CSGALNACT1: variants seen among roughly 807,000 people sequenced by gnomAD.
CSGALNACT1 encodes chondroitin sulfate N-acetylgalactosaminyltransferase 1.
In CSGALNACT1, 52 loss-of-function variants were observed where a neutral mutation model predicts 51.0. The ratio of observed to expected loss-of-function variants is 1.02; its 90% CI spans 0.82 to 1.29. CSGALNACT1 has a LOEUF of 1.29. CSGALNACT1 is among the 50% of genes most tolerant of loss of function. The pLI is 0.00. For synonymous variants in CSGALNACT1, 341 were observed against 254.4 expected (o/e 1.34, Z -3.24); for missense variants, 935 against 679.2 (o/e 1.38, Z -4.19).
intron 3 of CSGALNACT1, among the ~76,000 whole-genome samples, chr8:19,571,835 G>T (rs917981453): frequency 4.6e-5 from 7 of 152,194 alleles, no homozygotes; most frequent in African/African-American, 1.7e-4. Context: ...GGGCTGCCTG[G>T]AAAGCTAATG....
chr8:19,469,503 G>A (rs1296397527), intron 4 of CSGALNACT1, among the ~76,000 whole-genome samples: 1 of 152,222 alleles, frequency 6.6e-6, no homozygotes, highest in East Asian at 1.9e-4. Flanking sequence ...GACAGCCTGG[G>A]ATAGATTTGA....
intron 3 of CSGALNACT1, among the ~76,000 whole-genome samples, chr8:19,564,059 T>C (rs1043473155): frequency 6.6e-6 from 1 of 152,184 alleles, no homozygotes; most frequent in Non-Finnish European, 1.5e-5. Flanking sequence ...CCTGACTTGA[T>C]CCTTCCACTG....
At chr8:19,490,783 T>A (rs559040584) in intron 4 of CSGALNACT1, among the ~76,000 whole-genome samples, 1 of 152,154 alleles carries the variant, frequency 6.6e-6, no homozygotes, top group Non-Finnish European at 1.5e-5. Flanking sequence ...GCTCCAGCCT[T>A]GGTATTTAGG....
chr8:19,662,026 C>A (rs2058779103), intron 1 of CSGALNACT1, among the ~76,000 whole-genome samples: 1 of 149,718 alleles, frequency 6.7e-6, no homozygotes. Context: ...ACCATCCCTA[C>A]CAGCAGCAAC....
intron 1 of CSGALNACT1, among the ~76,000 whole-genome samples, chr8:19,611,972 C>T (rs2052330084): frequency 6.6e-6 from 1 of 151,992 alleles, no homozygotes; most frequent in Non-Finnish European, 1.5e-5. Flanking sequence ...TTGATTAATT[C>T]TAAGACTCCA....
chr8:19,562,144 C>A (rs760594307), intron 3 of CSGALNACT1, among the ~76,000 whole-genome samples: 2 of 152,182 alleles, frequency 1.3e-5, no homozygotes, highest in Non-Finnish European at 2.9e-5. Flanking sequence ...ACAGACCCCC[C>A]ACAGCCAAAC....
intron 3 of CSGALNACT1, among the ~76,000 whole-genome samples, chr8:19,589,853 A>C (rs2047422011): frequency 6.6e-6 from 1 of 152,236 alleles, no homozygotes; most frequent in Admixed American, 6.5e-5. Context: ...TCATTAATCC[A>C]CAGAAAATAG....
In CSGALNACT1 at chr8:19,714,647, G is replaced by C. The variant is rs142288442; in HGVS notation, c.-297+43203C>G. Among the ~76,000 whole-genome samples, 490 of 151,888 alleles carry C rather than the reference G, an allele frequency of 3.2e-3. 14 individuals are homozygous for C. The highest frequency in any genetic ancestry group is 0.031 in the Admixed American group (472 of 15,252). On this transcript the variant is annotated intron_variant, in intron 1 of 1. Transcript: ENST00000517494. ...TGTGCATTGCCTACCTTTTCTATTA[G>C]AGCCTTTAGCTTATTAATCATAGTT... is the stretch of plus-strand genomic sequence containing the variant.
At chr8:19,724,151 G>T (rs2063273098) in intron 1 of CSGALNACT1, among the ~76,000 whole-genome samples, 1 of 152,142 alleles carries the variant, frequency 6.6e-6, no homozygotes, top group South Asian at 2.1e-4. Context: ...CAGCACATTT[G>T]TATCAGTTTC....
chr8:19,540,463 T>C (rs2084840830), intron 3 of CSGALNACT1, among the ~76,000 whole-genome samples: 1 of 152,238 alleles, frequency 6.6e-6, no homozygotes, highest in Non-Finnish European at 1.5e-5. Flanking sequence ...TCACAGTTTC[T>C]GACACACAGT....
intron 1 of CSGALNACT1, among the ~76,000 whole-genome samples, chr8:19,643,340 A>C (rs149034921): frequency 8.1e-4 from 124 of 152,320 alleles, no homozygotes; most frequent in Middle Eastern, 3.4e-3. Flanking sequence ...AATAGATTAA[A>C]AAGTAGGGAG....
At chr8:19,498,335 G>A (rs1005047923) in intron 4 of CSGALNACT1, among the ~76,000 whole-genome samples, 8 of 152,140 alleles carry the variant, frequency 5.3e-5, no homozygotes, top group African/African-American at 9.7e-5. Context: ...ATCCACAACC[G>A]TAACTGATGA....
At chr8:19,731,703 A>G (rs1239357515) in intron 1 of CSGALNACT1, among the ~76,000 whole-genome samples, 2 of 152,188 alleles carry the variant, frequency 1.3e-5, no homozygotes, top group African/African-American at 4.8e-5. Flanking sequence ...TAATGCCACC[A>G]AACTGTACAC....
At chr8:19,538,967 C>T (rs1343128425) in intron 3 of CSGALNACT1, among the ~76,000 whole-genome samples, 2 of 152,160 alleles carry the variant, frequency 1.3e-5, no homozygotes, top group Non-Finnish European at 2.9e-5. Context: ...TAGGTGTCAG[C>T]TGAGATGGTT....
intron 1 of CSGALNACT1, among the ~76,000 whole-genome samples, chr8:19,666,988 AAAG>A (rs2059352131): frequency 7.5e-4 from 13 of 17,286 alleles, no homozygotes; most frequent in African/African-American, 4.6e-3. Flanking sequence ...AGAAAGAAAG[AAAG>A]AAAGAAAGAA....
At chr8:19,444,866 T>C (rs1586163393) in intron 5 of CSGALNACT1, among the ~76,000 whole-genome samples, 1 of 151,820 alleles carries the variant, frequency 6.6e-6, no homozygotes, top group South Asian at 2.1e-4. Context: ...ATGGCTGGGG[T>C]CAGTGAAGGA....
At chr8:19,590,457 G>C (rs1241831791) in intron 3 of CSGALNACT1, among the ~76,000 whole-genome samples, 1 of 152,132 alleles carries the variant, frequency 6.6e-6, no homozygotes, top group East Asian at 1.9e-4. Context: ...ACAAAATGAG[G>C]TGGTGCCTAA....
intron 1 of CSGALNACT1, among the ~76,000 whole-genome samples, chr8:19,650,317 C>T (rs536836328): frequency 6.6e-6 from 1 of 152,132 alleles, no homozygotes; most frequent in African/African-American, 2.4e-5. Flanking sequence ...TAGATTTTTT[C>T]TCTTGAAAAC....
intron 1 of CSGALNACT1, among the ~76,000 whole-genome samples, chr8:19,616,320 G>C (rs1003065271): frequency 2.6e-5 from 4 of 152,092 alleles, no homozygotes; most frequent in African/African-American, 7.2e-5. Context: ...CATGGCATTA[G>C]AAGACACAGC....
Sources: allele counts gnomAD v4.1 joint callset (sites outside exome capture counted in the v4.1 genomes callset), GRCh38; gene constraint gnomAD v4.1.1; transcripts MANE v1.5; gene names NCBI Gene and HGNC (gene_info 2026-07-23, HGNC 2026-07-21).